The following SLC2A13 variants were observed in gnomAD, a reference collection of about 807,000 sequenced individuals.
The protein encoded by SLC2A13 is proton myo-inositol cotransporter.
SLC2A13 carries 32 observed loss-of-function variants against 64.4 expected under a neutral mutation model. That is an observed-to-expected ratio of 0.50 (90% CI 0.37 to 0.67). The LOEUF is 0.67. Among genes scored for constraint, SLC2A13 ranks in the 30% least tolerant of loss-of-function variants. The probability of loss-of-function intolerance (pLI) is 0.00; values close to 1 mark genes in which losing one functional copy is unlikely to be tolerated. For missense variants in SLC2A13, 743 were observed against 829.2 expected (o/e 0.90, Z 1.28); for synonymous variants, 338 against 327.1 (o/e 1.03, Z -0.36).
rs144993670 is a variant in SLC2A13 at position 39,888,833 on chromosome 12, T to C, written c.1035-16872A>G. 2.3e-3 allele frequency among the ~76,000 whole-genome samples: 346 copies of C among 152,306 alleles called. 1 individual carries two copies. The highest frequency in any genetic ancestry group is 7.8e-3 in the African/African-American group (324 of 41,570). ...ATAACTGATGCAACTTAACTCTATA[T>C]TGTGACACATACTACTATGATTTGA... On this transcript the variant is annotated intron_variant, in intron 4 of 9. Transcript: ENST00000280871.
chr12:40,030,875 G>C (rs1947892246), intron 2 of SLC2A13, among the ~76,000 whole-genome samples: 1 of 152,066 alleles, frequency 6.6e-6, no homozygotes, highest in African/African-American at 2.4e-5. Flanking sequence ...CAAGAGTCTG[G>C]GTCCGAAATG....
chr12:39,860,068 G>A (rs181454534), intron 6 of SLC2A13, among the ~76,000 whole-genome samples: 13 of 152,272 alleles, frequency 8.5e-5, no homozygotes, highest in East Asian at 5.8e-4. Context: ...CTGTTGTGTC[G>A]TTGGTTTCAT....
At chr12:39,956,613 G>A (rs1475986324) in intron 3 of SLC2A13, among the ~76,000 whole-genome samples, 2 of 152,026 alleles carry the variant, frequency 1.3e-5, no homozygotes, top group African/African-American at 4.8e-5. Context: ...AGAACACAAG[G>A]GGGTTATTAG....
intron 2 of SLC2A13, among the ~76,000 whole-genome samples, chr12:40,035,905 A>T (rs1170599901): frequency 6.6e-6 from 1 of 152,234 alleles, no homozygotes; most frequent in East Asian, 1.9e-4. Flanking sequence ...ATTTTGCACA[A>T]ATATTAAGTA....
intron 1 of SLC2A13, among the ~76,000 whole-genome samples, chr12:40,058,010 C>T (rs1948359083): frequency 6.6e-6 from 1 of 151,504 alleles, no homozygotes; most frequent in South Asian, 2.1e-4. Flanking sequence ...ATACAAATGT[C>T]CCTATGCTGC....
intron 4 of SLC2A13, among the ~76,000 whole-genome samples, chr12:39,896,302 A>G (rs1944863162): frequency 7.0e-6 from 1 of 143,254 alleles, no homozygotes; most frequent in Non-Finnish European, 1.5e-5. Context: ...GTGTGTATAT[A>G]TGTATACATA....
chr12:39,852,401 C>A (rs970397438), intron 6 of SLC2A13, among the ~76,000 whole-genome samples: 11 of 152,118 alleles, frequency 7.2e-5, no homozygotes, highest in African/African-American at 2.7e-4. Context: ...AAAGTGCTTA[C>A]AAAATTCCTG....
At chr12:39,844,695 A>T (rs1050249100) in intron 6 of SLC2A13, among the ~76,000 whole-genome samples, 7 of 152,080 alleles carry the variant, frequency 4.6e-5, no homozygotes, top group African/African-American at 1.7e-4. Context: ...TGCTACTTCA[A>T]GTGGACTGAA....
chr12:40,105,830 C>T lies in SLC2A13; in HGVS notation c.-22G>A. 1 of 1,398,844 alleles carries T rather than the reference C, an allele frequency of 7.1e-7. No homozygotes were observed. Among genetic ancestry groups the T allele is most frequent in the Non-Finnish European group, 9.3e-7 (1 of 1,076,870 alleles). 86.7% of individuals were successfully genotyped at this position (1,398,844 alleles called of 1,614,324 possible). A position where few individuals can be genotyped will look rare whatever the true frequency, so the allele number is the denominator to read the frequency against. The stretch of plus-strand genomic sequence containing the variant: ...ACATAGGGCAGGGGCCCGGGGCTGC[C>T]CGGGGGGACGCGGCTCCGCGGGCCG... On this transcript the variant is annotated 5_prime_UTR_variant, in exon 1 of 10. Coordinates refer to ENST00000280871, the MANE Select transcript of SLC2A13 (RefSeq NM_052885.4). The surrounding 1 kb of genome is among the most constrained non-coding windows in gnomAD (Gnocchi z 4.2).
rs930697450 is a variant in SLC2A13 at position 39,758,069 on chromosome 12, T to C, written c.*1957A>G. ...ATAAGAAATATCAATAGAATAATAA[T>C]TTTCCCTATTAAATCATATCTGCTT... On this transcript the variant is annotated 3_prime_UTR_variant, in exon 10 of 10. Transcript: ENST00000280871. 34 of 151,576 alleles carry C rather than the reference T, an allele frequency of 2.2e-4. No individual in the cohort carries two copies. Among genetic ancestry groups the C allele is most frequent in the African/African-American group, 8.2e-4 (34 of 41,366 alleles). The allele number at this position is 151,576 out of a possible 1,614,324, so 9.4% of individuals were successfully genotyped here. A position where few individuals can be genotyped will look rare whatever the true frequency, so the allele number is the denominator to read the frequency against.
intron 4 of SLC2A13, among the ~76,000 whole-genome samples, chr12:39,889,697 T>C (rs1433050163): frequency 1.3e-5 from 2 of 151,962 alleles, no homozygotes; most frequent in African/African-American, 4.8e-5. Context: ...CACGCCCGGC[T>C]AATTTTTGTA....
At position 39,830,133 on chromosome 12, in the gene SLC2A13, T is replaced by C. The variant is rs1302078070; in HGVS notation, c.1415A>G (p.Lys472Arg). The C allele has an allele frequency of 6.2e-7, 1 of 1,613,722 alleles. No individual in the cohort carries two copies. The highest frequency in any genetic ancestry group is 8.5e-7 in the Non-Finnish European group (1 of 1,179,778). The change falls in exon 7 of 10, where the codon AAA becomes AGA. Residue 472 changes from lysine (K) to arginine (R), a missense_variant. By Grantham distance (26) the Lys-to-Arg change is conservative. This residue lies in a region of SLC2A13 where 295 missense variants were observed against 381.7 expected (regional missense o/e 0.77). Transcript: ENST00000280871. ...CCAGGCTGCCTCATTTGTAGATGCT[T>C]TATTAACTGGAACACAGGAGGAGTC... is the stretch of plus-strand genomic sequence containing the variant. ...VIDSSCVPVN[K>R]ASTNEAAWGR...
intron 1 of SLC2A13, among the ~76,000 whole-genome samples, chr12:40,076,561 A>G (rs1938183783): frequency 1.3e-5 from 2 of 152,128 alleles, no homozygotes; most frequent in Admixed American, 1.3e-4. Flanking sequence ...CCATTGATGA[A>G]CATCTAGGTT....
chr12:40,096,413 CATA>C (rs1173608702), intron 1 of SLC2A13, among the ~76,000 whole-genome samples: 4 of 150,960 alleles, frequency 2.6e-5, no homozygotes, highest in Non-Finnish European at 4.4e-5. Flanking sequence ...ATAAATTTAC[CATA>C]ATATTTTTCC....
chr12:39,956,171 C>T (rs1416718584), intron 3 of SLC2A13, among the ~76,000 whole-genome samples: 1 of 152,162 alleles, frequency 6.6e-6, no homozygotes, highest in African/African-American at 2.4e-5. Context: ...TCCAAACTCA[C>T]TCAAGAAGAA....
intron 3 of SLC2A13, among the ~76,000 whole-genome samples, chr12:39,976,489 A>C (rs1300040944): frequency 1.3e-5 from 2 of 152,226 alleles, no homozygotes; most frequent in Non-Finnish European, 2.9e-5. Flanking sequence ...TTCATTTGAA[A>C]TTAGAATAGT....
At chr12:39,778,656 A>G (rs1176986552) in intron 7 of SLC2A13, among the ~76,000 whole-genome samples, 1 of 152,224 alleles carries the variant, frequency 6.6e-6, no homozygotes, top group African/African-American at 2.4e-5. Flanking sequence ...AACCAGTAAA[A>G]TAGACTCTAT....
intron 5 of SLC2A13, among the ~76,000 whole-genome samples, chr12:39,870,150 G>T (rs1944006954): frequency 6.6e-6 from 1 of 152,118 alleles, no homozygotes; most frequent in Non-Finnish European, 1.5e-5. Context: ...GTTTTCCCCA[G>T]ATCTCAAAGG....
chr12:39,881,378 T>C (rs1944332469), intron 4 of SLC2A13, among the ~76,000 whole-genome samples: 1 of 152,190 alleles, frequency 6.6e-6, no homozygotes, highest in Non-Finnish European at 1.5e-5. Context: ...TGAATTATTG[T>C]ACAACTAGAA....
Sources: allele counts gnomAD v4.1 joint callset (sites outside exome capture counted in the v4.1 genomes callset), GRCh38; gene constraint gnomAD v4.1.1; regional missense constraint gnomAD v4.1.1; non-coding constraint Gnocchi (gnomAD v3.1); transcripts MANE v1.5; gene names NCBI Gene and HGNC (gene_info 2026-07-23, HGNC 2026-07-21).